ADAMTS3: variants seen among roughly 807,000 people sequenced by gnomAD.
ADAMTS3 encodes the protein ADAM metallopeptidase with thrombospondin type 1 motif 3, also known as A disintegrin and metalloproteinase with thrombospondin motifs 3.
In ADAMTS3, 73 loss-of-function variants were observed where a neutral mutation model predicts 129.0. The observed-to-expected ratio is 0.57, with a 90% CI of 0.47 to 0.69. ADAMTS3 has a LOEUF of 0.69. Among genes scored for constraint, ADAMTS3 ranks in the 30% least tolerant of loss-of-function variants. The pLI is 0.00. For synonymous variants in ADAMTS3, 477 were observed against 510.8 expected, an observed-to-expected ratio of 0.93 and a Z score of 0.89; for missense variants, 1,457 against 1,514.5, an observed-to-expected ratio of 0.96 and a Z score of 0.63.
intron 3 of ADAMTS3, among the ~76,000 whole-genome samples, chr4:72,512,206 T>A (rs1365163973): frequency 6.6e-6 from 1 of 152,138 alleles, no homozygotes; most frequent in Non-Finnish European, 1.5e-5. Context: ...TTGGGTGCAC[T>A]GGCTCACACT....
At chr4:72,483,862 C>T in intron 3 of ADAMTS3, among the ~76,000 whole-genome samples, 1 of 151,796 alleles carries the variant, frequency 6.6e-6, no homozygotes, top group African/African-American at 2.4e-5. Flanking sequence ...ACTAAAAATA[C>T]AAAAAATTAG....
At chr4:72,314,050 C>T (rs561317882) in intron 11 of ADAMTS3, among the ~76,000 whole-genome samples, 4 of 152,040 alleles carry the variant, frequency 2.6e-5, no homozygotes, top group African/African-American at 7.2e-5. Context: ...ACAACATTCA[C>T]TCAGACAAGT....
chr4:72,353,791 T>C (rs972980584), intron 4 of ADAMTS3, among the ~76,000 whole-genome samples: 9 of 152,042 alleles, frequency 5.9e-5, no homozygotes, highest in Non-Finnish European at 1.2e-4. Context: ...TGGTAAGTTA[T>C]TTAACAAAAC....
chr4:72,483,456 A>T (rs1216079981), intron 3 of ADAMTS3, among the ~76,000 whole-genome samples: 1 of 152,214 alleles, frequency 6.6e-6, no homozygotes, highest in East Asian at 1.9e-4. Flanking sequence ...GCTAATGGCA[A>T]GTATCCCTCA....
rs527426828 is a variant in ADAMTS3 at position 72,549,949 on chromosome 4, G to A, written c.98-1065C>T. 7.9e-3 allele frequency among the ~76,000 whole-genome samples: 312 copies of A among 39,424 alleles called. 2 individuals carry two copies. Among genetic ancestry groups the A allele is most frequent in the African/African-American group, 0.037 (295 of 7,920 alleles). The allele number at this position is 39,424 out of a possible 152,430, so 25.9% of individuals were successfully genotyped here. A position where few individuals can be genotyped will look rare whatever the true frequency, so the allele number is the denominator to read the frequency against. On this transcript the variant is annotated intron_variant, in intron 2 of 21. Coordinates refer to ENST00000286657, the MANE Select transcript of ADAMTS3 (RefSeq NM_014243.3). ...GGAAACAAGCAGCAGGGCAACAAGG[G>A]TAAAAAAAAAAAAAAGAAGAAGAAG...
chr4:72,527,170 C>T (rs541632264), intron 3 of ADAMTS3, among the ~76,000 whole-genome samples: 1 of 152,202 alleles, frequency 6.6e-6, no homozygotes, highest in African/African-American at 2.4e-5. Flanking sequence ...CTGACCCTGT[C>T]GTCTCCTTGT....
At chr4:72,555,539 T>C (rs1721741869) in intron 2 of ADAMTS3, among the ~76,000 whole-genome samples, 1 of 151,900 alleles carries the variant, frequency 6.6e-6, no homozygotes, top group African/African-American at 2.4e-5. Context: ...TGTCAAGGCA[T>C]TTAACAAAAA....
At chr4:72,561,419 C>T (rs1227749670) in intron 2 of ADAMTS3, among the ~76,000 whole-genome samples, 7 of 151,900 alleles carry the variant, frequency 4.6e-5, no homozygotes, top group South Asian at 4.2e-4. Flanking sequence ...GCAGGAGGAT[C>T]GCCTGAGCTG....
In ADAMTS3 at chr4:72,500,376, T is replaced by C. The variant is rs1403957639; in HGVS notation, c.504+48102A>G. On this transcript the variant is annotated intron_variant, in intron 3 of 21. Coordinates refer to ENST00000286657, the MANE Select transcript of ADAMTS3 (RefSeq NM_014243.3). The stretch of plus-strand genomic sequence containing the variant: ...TTTGCATCTCTCTGATGATTAGTGA[T>C]ATTGAGCATTTTTTCACGTTTGTTG... Among the ~76,000 whole-genome samples, 3 of 152,288 alleles carry C rather than the reference T, an allele frequency of 2.0e-5. No homozygotes were observed. In the South Asian group the frequency reaches 6.2e-4, roughly 32 times the overall value.
intron 3 of ADAMTS3, among the ~76,000 whole-genome samples, chr4:72,501,853 C>G (rs538695279): frequency 6.7e-4 from 102 of 152,142 alleles, no homozygotes; most frequent in African/African-American, 2.3e-3. Flanking sequence ...CAGCTCTTTC[C>G]ACATCTATTG....
chr4:72,412,362 A>T (rs1336020193), intron 4 of ADAMTS3, among the ~76,000 whole-genome samples: 1 of 151,998 alleles, frequency 6.6e-6, no homozygotes, highest in Non-Finnish European at 1.5e-5. Context: ...ATCTTCCTAA[A>T]CCTAATTTTT....
intron 3 of ADAMTS3, among the ~76,000 whole-genome samples, chr4:72,461,738 T>C (rs1345282215): frequency 2.0e-5 from 3 of 151,940 alleles, no homozygotes; most frequent in African/African-American, 7.2e-5. Flanking sequence ...TCTCTGATCT[T>C]TGGCTAACTT....
At chr4:72,288,443 A>G (rs1040774884) in intron 21 of ADAMTS3, among the ~76,000 whole-genome samples, 1 of 152,224 alleles carries the variant, frequency 6.6e-6, no homozygotes, top group Non-Finnish European at 1.5e-5. Context: ...AAATATAACA[A>G]GGAAAAATTA....
chr4:72,414,970 G>A lies in ADAMTS3; in HGVS notation c.506C>T (p.Ala169Val). Residue 169 changes from alanine to valine, a missense_variant and splice_region_variant, in exon 4 of 22, where the codon GCT (alanine) becomes GTT (valine). By Grantham distance (64) the Ala-to-Val change is moderately conservative (BLOSUM62 0). Coordinates refer to ENST00000286657, the MANE Select transcript of ADAMTS3 (RefSeq NM_014243.3). ...TTCATTATCACTTTTTATCATTCCA[G>A]CCTAGAGAAAGCACAAAATGTGTTA... is the stretch of plus-strand genomic sequence containing the variant. ...SVAISNCDGL[A>V]GMIKSDNEEY... 6.7e-7 allele frequency: 1 copy of A among 1,495,320 alleles called. No homozygotes were observed. 92.6% of individuals were successfully genotyped at this position (1,495,320 alleles called of 1,614,324 possible). A position where few individuals can be genotyped will look rare whatever the true frequency, so the allele number is the denominator to read the frequency against.
At chr4:72,411,810 A>G (rs1722191264) in intron 4 of ADAMTS3, among the ~76,000 whole-genome samples, 1 of 152,032 alleles carries the variant, frequency 6.6e-6, no homozygotes, top group Non-Finnish European at 1.5e-5. Flanking sequence ...TCTAGATTAG[A>G]ATTCTGAGTC....
intron 3 of ADAMTS3, among the ~76,000 whole-genome samples, chr4:72,438,626 C>A (rs1718032870): frequency 6.6e-6 from 1 of 151,666 alleles, no homozygotes; most frequent in South Asian, 2.1e-4. Context: ...CTGGAAAACT[C>A]CTCTGTGCAC....
At chr4:72,479,664 C>T (rs1461542711) in intron 3 of ADAMTS3, among the ~76,000 whole-genome samples, 1 of 152,148 alleles carries the variant, frequency 6.6e-6, no homozygotes, top group Non-Finnish European at 1.5e-5. Flanking sequence ...ACACCAAAAG[C>T]AATGGCAACA....
intron 3 of ADAMTS3, among the ~76,000 whole-genome samples, chr4:72,520,407 T>A (rs991177534): frequency 8.5e-5 from 13 of 152,320 alleles, no homozygotes; most frequent in African/African-American, 3.1e-4. Flanking sequence ...CAGAGGTTAC[T>A]GCTGTCTTTT....
intron 3 of ADAMTS3, among the ~76,000 whole-genome samples, chr4:72,497,060 G>A (rs1006290734): frequency 5.3e-5 from 8 of 151,794 alleles, no homozygotes; most frequent in Non-Finnish European, 1.2e-4. Context: ...TTAATCTAAA[G>A]CACACTCTGC....
Sources: gnomAD v4.1 joint callset for allele counts (sites outside exome capture counted in the v4.1 genomes callset) on GRCh38, gnomAD v4.1.1 for gene constraint, MANE v1.5 for transcripts, NCBI Gene and HGNC (gene_info 2026-07-23, HGNC 2026-07-21) for gene names.